Variants in SRBD1 observed in about 807,000 individuals in gnomAD.
SRBD1 encodes S1 RNA-binding domain-containing protein 1.
Under a neutral mutation model 115.3 loss-of-function variants are expected in SRBD1, and 88 were observed. The observed-to-expected ratio is 0.76, with a 90% CI of 0.64 to 0.91. The LOEUF (loss-of-function observed/expected upper bound fraction) is 0.91, where lower values mean the gene tolerates loss of function less well. Among genes scored for constraint, SRBD1 ranks in the 40% least tolerant of loss-of-function variants. The probability of loss-of-function intolerance (pLI) is 0.00; values close to 1 mark genes in which losing one functional copy is unlikely to be tolerated. For synonymous variants in SRBD1, 509 were observed against 407.7 expected, an observed-to-expected ratio of 1.25 and a Z score of -2.99; for missense variants, 1,385 against 1,177.4, an observed-to-expected ratio of 1.18 and a Z score of -2.58.
intron 15 of SRBD1, among the ~76,000 whole-genome samples, chr2:45,487,498 G>T (rs576045910): frequency 6.6e-6 from 1 of 152,192 alleles, no homozygotes; most frequent in African/African-American, 2.4e-5. Context: ...CTGGTCATTT[G>T]ACAAATATTT....
At chr2:45,400,574 A>G (rs1667265743) in intron 19 of SRBD1, among the ~76,000 whole-genome samples, 3 of 152,012 alleles carry the variant, frequency 2.0e-5, no homozygotes, top group South Asian at 4.1e-4. Context: ...ACATGAAAAA[A>G]CAACTTTTTT....
intron 4 of SRBD1, among the ~76,000 whole-genome samples, chr2:45,596,113 G>C (rs1042877630): frequency 6.6e-6 from 1 of 152,206 alleles, no homozygotes; most frequent in African/African-American, 2.4e-5. Context: ...CTTTAAATGA[G>C]ACAACTTGCT....
chr2:45,413,376 T>C, intron 18 of SRBD1, 83 bp from the exon 19 acceptor site: 1 of 1,470,740 alleles, frequency 6.8e-7, no homozygotes, highest in African/African-American at 1.4e-5. Flanking sequence ...TGCTTACTTC[T>C]CTGTCATACA....
intron 5 of SRBD1, among the ~76,000 whole-genome samples, chr2:45,585,292 C>T (rs1297424775): frequency 6.6e-6 from 1 of 152,148 alleles, no homozygotes; most frequent in African/African-American, 2.4e-5. Context: ...ATAAAATGTA[C>T]TTTCTGAGTT....
chr2:45,563,846 A>G (rs1170417813), intron 9 of SRBD1, among the ~76,000 whole-genome samples: 2 of 152,180 alleles, frequency 1.3e-5, no homozygotes, highest in Non-Finnish European at 2.9e-5. Context: ...CCCAGATGGC[A>G]CCACCATTGA....
chr2:45,409,524 A>T (rs2103849542), intron 19 of SRBD1, among the ~76,000 whole-genome samples: 1 of 151,522 alleles, frequency 6.6e-6, no homozygotes, highest in South Asian at 2.1e-4. Flanking sequence ...GCAAAAAAAA[A>T]AAAAAAGAAT....
At position 45,573,102 on chromosome 2, in the gene SRBD1, A is replaced by G. The variant is rs181223354; in HGVS notation, c.1305+105T>C. 3.9e-4 allele frequency: 485 copies of G among 1,245,634 alleles called. 2 individuals are homozygous for G. The African/African-American group carries it at 6.8e-3, about 17-fold the overall frequency. 77.2% of individuals were successfully genotyped at this position (1,245,634 alleles called of 1,614,324 possible). ...TAAGAATTTATATAAAGAAAAAAGAAAACAGTTGACATAAAATTATTTAAA... is the reference window on the plus strand; with the variant it reads ...TAAGAATTTATATAAAGAAAAAAGAGAACAGTTGACATAAAATTATTTAAA... On this transcript the variant is annotated intron_variant, in intron 9 of 20. Transcript: ENST00000263736.
chr2:45,530,813 T>C (rs946327186), intron 14 of SRBD1, among the ~76,000 whole-genome samples: 6 of 152,048 alleles, frequency 3.9e-5, no homozygotes, highest in Non-Finnish European at 7.4e-5. Context: ...TGTTCTACTT[T>C]GCCTATGTCA....
At chr2:45,497,178 GC>G (rs983529850) in intron 14 of SRBD1, among the ~76,000 whole-genome samples, 2 of 152,172 alleles carry the variant, frequency 1.3e-5, no homozygotes, top group African/African-American at 4.8e-5. Context: ...ACCTGTTTAT[GC>G]TATGTTCATT....
intron 19 of SRBD1, among the ~76,000 whole-genome samples, chr2:45,412,503 G>A (rs1421695265): frequency 1.3e-5 from 2 of 151,966 alleles, no homozygotes; most frequent in Non-Finnish European, 2.9e-5. Context: ...TTGTTACACT[G>A]TCATACAATT....
At chr2:45,413,331 G>T in intron 18 of SRBD1, 38 bp from the exon 19 acceptor site, 4 of 1,583,390 alleles carry the variant, frequency 2.5e-6, no homozygotes, top group Non-Finnish European at 3.4e-6. Context: ...TATGAAAAGG[G>T]GAAGGTTGGG....
chr2:45,458,125 G>C (rs961108391), intron 16 of SRBD1, among the ~76,000 whole-genome samples: 1 of 151,974 alleles, frequency 6.6e-6, no homozygotes, highest in Non-Finnish European at 1.5e-5. Context: ...GAGAACTTGT[G>C]ATGTTACTTT....
At chr2:45,584,401 C>A (rs1483830996) in intron 5 of SRBD1, among the ~76,000 whole-genome samples, 1 of 152,152 alleles carries the variant, frequency 6.6e-6, no homozygotes, top group Non-Finnish European at 1.5e-5. Flanking sequence ...TTTACATTGG[C>A]AAATTGATTC....
intron 15 of SRBD1, among the ~76,000 whole-genome samples, chr2:45,479,011 T>G (rs1045283161): frequency 6.6e-5 from 10 of 152,176 alleles, no homozygotes; most frequent in African/African-American, 2.2e-4. Flanking sequence ...AAAATTTAAT[T>G]ATATTTGTTA....
intron 14 of SRBD1, among the ~76,000 whole-genome samples, chr2:45,508,271 C>G (rs1174969829): frequency 6.6e-6 from 1 of 152,068 alleles, no homozygotes; most frequent in Admixed American, 6.5e-5. Context: ...TACTGAACAC[C>G]ATGTGTAAAG....
chr2:45,426,303 C>T (rs147248043), intron 16 of SRBD1, among the ~76,000 whole-genome samples: 14,483 of 152,274 alleles, frequency 0.095, 715 homozygotes, highest in South Asian at 0.16. Flanking sequence ...TCTCTAGATT[C>T]CTCCCCTCTG....
At position 45,479,420 on chromosome 2, in the gene SRBD1, T is replaced by C. The variant is rs953300801; in HGVS notation, c.1967-2345A>G. The stretch of plus-strand genomic sequence containing the variant: ...GAGTTCTTGAAGGAAATTAAAAGTG[T>C]GACTCCAGTGGACACACAAATGATA... On this transcript the variant is annotated intron_variant, in intron 15 of 20. Coordinates refer to ENST00000263736, the MANE Select transcript of SRBD1 (RefSeq NM_018079.5). 1.3e-5 allele frequency among the ~76,000 whole-genome samples: 2 copies of C among 152,222 alleles called. 1 individual carries two copies. The highest frequency in any genetic ancestry group is 3.8e-4 in the East Asian group (2 of 5,196).
chr2:45,560,718 T>A (rs145101763), intron 10 of SRBD1, among the ~76,000 whole-genome samples: 2 of 152,186 alleles, frequency 1.3e-5, no homozygotes, highest in Admixed American at 6.5e-5. Context: ...AATTTCCTAA[T>A]TTTTTAAATC....
In SRBD1 at chr2:45,599,655, C is replaced by T. The variant is rs758179839; in HGVS notation, c.442G>A (p.Glu148Lys). 7 of 1,614,108 alleles carry T rather than the reference C, an allele frequency of 4.3e-6. No homozygotes were observed. In the Admixed American group the frequency reaches 6.7e-5, roughly 15 times the overall value. Residue 148 changes from glutamate to lysine, a missense_variant, in exon 4 of 21, where the codon GAG becomes AAG. Coordinates refer to ENST00000263736, the MANE Select transcript of SRBD1 (RefSeq NM_018079.5). ...ETSKASNLEGESNSSETPSTS... is the reference protein window; with the variant it reads ...ETSKASNLEGKSNSSETPSTS... Reference sequence around the variant, plus strand: ...GATGGTGTCTCTGAACTATTACTCTCACCCTCTAAGTTGCTGGCTTTGCTG... The same window carrying T: ...GATGGTGTCTCTGAACTATTACTCTTACCCTCTAAGTTGCTGGCTTTGCTG...
Sources: allele counts gnomAD v4.1 joint callset (sites outside exome capture counted in the v4.1 genomes callset), GRCh38; gene constraint gnomAD v4.1.1; transcripts MANE v1.5; gene names NCBI Gene and HGNC (gene_info 2026-07-23, HGNC 2026-07-21).